The following MMP26 variants were observed in gnomAD, a reference collection of about 807,000 sequenced individuals.
MMP26 encodes matrix metallopeptidase 26.
Under a neutral mutation model 31.0 loss-of-function variants are expected in MMP26, and 33 were observed. That is an observed-to-expected ratio of 1.06 (90% confidence interval 0.81 to 1.42). MMP26 has a LOEUF of 1.42. Among genes scored for constraint, MMP26 ranks in the 40% most tolerant of loss-of-function variants. MMP26 has a pLI of 0.00. For missense variants in MMP26, 347 were observed against 316.1 expected (o/e 1.10, Z -0.74); for synonymous variants, 122 against 114.9 (o/e 1.06, Z -0.40).
intron 2 of MMP26, among the ~76,000 whole-genome samples, chr11:4,961,991 C>T (rs1437058168): frequency 6.6e-6 from 1 of 151,896 alleles, no homozygotes; most frequent in African/African-American, 2.4e-5. Context: ...TTGGAGCAAC[C>T]CCTGTTTTTT....
chr11:4,718,160 A>T (rs2133272031), intron 1 of MMP26, among the ~76,000 whole-genome samples: 1 of 152,320 alleles, frequency 6.6e-6, no homozygotes, highest in Non-Finnish European at 1.5e-5. Context: ...TTGAAAGAAA[A>T]TAGCAGGAGA....
At chr11:4,804,808 A>T (rs1403897337) in intron 2 of MMP26, among the ~76,000 whole-genome samples, 1 of 151,302 alleles carries the variant, frequency 6.6e-6, no homozygotes, top group Non-Finnish European at 1.5e-5. Flanking sequence ...AAACAAAACA[A>T]AAAAAAACCC....
chr11:4,737,365 C>T (rs1024600611), intron 1 of MMP26, among the ~76,000 whole-genome samples: 1 of 152,096 alleles, frequency 6.6e-6, no homozygotes, highest in Admixed American at 6.5e-5. Flanking sequence ...CAGAGGTGGC[C>T]AGGCACAGTG....
rs554213095 is a variant in MMP26, at chr11:4,787,874, T to C, written c.-145+20533T>C. ...ATTTGTCTCCTTTAAGTACATGCTT[T>C]CTTTTACTTAGCTTAAACCACAGTT... is the stretch of plus-strand genomic sequence containing the variant. On this transcript the variant is annotated intron_variant, in intron 2 of 7. Coordinates refer to ENST00000380390, the MANE Select transcript of MMP26 (RefSeq NM_021801.5). Among the ~76,000 whole-genome samples the C allele has an allele frequency of 1.2e-4, 19 of 152,350 alleles. No individual in the cohort carries two copies. In the South Asian group the frequency reaches 3.3e-3, roughly 27 times the overall value.
rs141650271 is a variant in MMP26, at chr11:4,908,592, A to G, written c.-144-79476A>G. Reference sequence around the variant, plus strand: ...TTGAGTCAACCCATAAAGAATGAATACAATTTGGGCAGATTGAGATTACCA... The same window carrying G: ...TTGAGTCAACCCATAAAGAATGAATGCAATTTGGGCAGATTGAGATTACCA... On this transcript the variant is annotated intron_variant, in intron 2 of 7. Coordinates refer to ENST00000380390, the MANE Select transcript of MMP26 (RefSeq NM_021801.5). The G allele has an allele frequency of 3.8e-3, 1,728 of 457,086 alleles. 32 individuals carry two copies. Among genetic ancestry groups the G allele is most frequent in the African/African-American group, 0.031 (1,550 of 50,780 alleles). The allele number at this position is 457,086 out of a possible 1,614,324, so 28.3% of individuals were successfully genotyped here.
At chr11:4,775,924 AT>A (rs139145331) in intron 2 of MMP26, among the ~76,000 whole-genome samples, 2,940 of 152,166 alleles carry the variant, frequency 0.019, 54 homozygotes, top group South Asian at 0.077. Context: ...CTATTAAGTA[AT>A]TTATTATTAT....
intron 2 of MMP26, among the ~76,000 whole-genome samples, chr11:4,960,830 TATATA>T (rs1179695683): frequency 1.3e-5 from 2 of 152,020 alleles, no homozygotes; most frequent in African/African-American, 4.8e-5. Flanking sequence ...CACAATAAAA[TATATA>T]ATAATGACAT....
At chr11:4,856,157 C>T (rs1850049057) in intron 2 of MMP26, among the ~76,000 whole-genome samples, 1 of 152,288 alleles carries the variant, frequency 6.6e-6, no homozygotes, top group South Asian at 2.1e-4. Context: ...GAAGAAACTG[C>T]ATCAACTAAT....
At chr11:4,799,327 A>T (rs1022179660) in intron 2 of MMP26, among the ~76,000 whole-genome samples, 4 of 152,086 alleles carry the variant, frequency 2.6e-5, no homozygotes, top group African/African-American at 9.7e-5. Flanking sequence ...GCAAAGAGAG[A>T]GCTGGCACAT....
intron 1 of MMP26, among the ~76,000 whole-genome samples, chr11:4,759,210 A>G (rs1264684474): frequency 6.6e-6 from 1 of 152,088 alleles, no homozygotes; most frequent in East Asian, 1.9e-4. Flanking sequence ...AAGAATTTTC[A>G]GTCTCACAGT....
At chr11:4,835,366 C>G (rs1849703931) in intron 2 of MMP26, among the ~76,000 whole-genome samples, 1 of 152,108 alleles carries the variant, frequency 6.6e-6, no homozygotes, top group South Asian at 2.1e-4. Flanking sequence ...ACCACTGTTA[C>G]ACTTTGTAAA....
At chr11:4,984,645 T>C (rs2133643648) in intron 2 of MMP26, among the ~76,000 whole-genome samples, 1 of 152,326 alleles carries the variant, frequency 6.6e-6, no homozygotes, top group Non-Finnish European at 1.5e-5. Context: ...GTGTCATTTA[T>C]GGGCCTGGAA....
At chr11:4,856,188 A>G (rs943925124) in intron 2 of MMP26, among the ~76,000 whole-genome samples, 1 of 152,240 alleles carries the variant, frequency 6.6e-6, no homozygotes, top group Non-Finnish European at 1.5e-5. Flanking sequence ...ACCAGCTAAC[A>G]TCATAATGAC....
At chr11:4,803,814 C>T (rs1253559611) in intron 2 of MMP26, 1 of 1,613,114 alleles carries the variant, frequency 6.2e-7, no homozygotes, top group Admixed American at 1.7e-5. Flanking sequence ...CACACACCAA[C>T]TTCAGCACAG....
intron 2 of MMP26, chr11:4,804,282 C>T (rs1189059558): frequency 1.5e-5 from 25 of 1,613,804 alleles, no homozygotes; most frequent in South Asian, 2.2e-5. Flanking sequence ...TGGCACAGAA[C>T]GGAAAGGCAA....
In MMP26 at chr11:4,948,159, G is replaced by T. The variant is rs1413121243; in HGVS notation, c.-144-39909G>T. ...CTTACCAAATCTTCCCTGTTTAAGG[G>T]ACCTACTTCGGTAATAAGACTTTAT... On this transcript the variant is annotated intron_variant, in intron 2 of 7. Coordinates refer to ENST00000380390, the MANE Select transcript of MMP26 (RefSeq NM_021801.5). Among the ~76,000 whole-genome samples, 3 of 124,186 alleles carry T rather than the reference G, an allele frequency of 2.4e-5. 1 individual carries two copies. Among genetic ancestry groups the T allele is most frequent in the Non-Finnish European group, 5.5e-5 (3 of 54,770 alleles). 81.5% of individuals were successfully genotyped at this position (124,186 alleles called of 152,430 possible).
At chr11:4,722,514 A>T (rs1396972412) in intron 1 of MMP26, among the ~76,000 whole-genome samples, 5 of 36,582 alleles carry the variant, frequency 1.4e-4, no homozygotes, top group African/African-American at 2.0e-4. Context: ...CTGAGGATTT[A>T]TTTAGGACAG....
At chr11:4,716,650 C>CTT (rs71050424) in intron 1 of MMP26, among the ~76,000 whole-genome samples, 5,402 of 64,946 alleles carry the variant, frequency 0.083, 1,892 homozygotes, top group Non-Finnish European at 0.092. Flanking sequence ...TCTCTTACCT[C>CTT]TTTTTTTTTT....
intron 2 of MMP26, among the ~76,000 whole-genome samples, chr11:4,778,022 T>C (rs1445278723): frequency 1.3e-5 from 2 of 152,078 alleles, no homozygotes; most frequent in African/African-American, 2.4e-5. Context: ...TTAGTAGATA[T>C]GGCCAAAAAG....
Sources: gnomAD v4.1 joint callset for allele counts (sites outside exome capture counted in the v4.1 genomes callset) on GRCh38, gnomAD v4.1.1 for gene constraint, MANE v1.5 for transcripts, NCBI Gene and HGNC (gene_info 2026-07-23, HGNC 2026-07-21) for gene names.